The following ALG12 variants were observed in gnomAD, a reference collection of about 807,000 sequenced individuals.
The protein encoded by ALG12 is ALG12 alpha-1,6-mannosyltransferase, also known as dol-P-Man:Man(7)GlcNAc(2)-PP-Dol alpha-1,6-mannosyltransferase.
A neutral mutation model predicts 46.0 loss-of-function variants in ALG12; 36 were observed. The ratio of observed to expected loss-of-function variants is 0.78; its 90% CI spans 0.60 to 1.03. The LOEUF (loss-of-function observed/expected upper bound fraction) is 1.03. Among genes scored for constraint, ALG12 ranks in the 50% least tolerant of loss-of-function variants. ALG12 has a pLI of 0.00. For synonymous variants in ALG12, 326 were observed against 291.6 expected (o/e 1.12, Z -1.20); for missense variants, 599 against 633.5 (o/e 0.95, Z 0.58).
At chr22:49,869,836 T>C in the ALG12 span, among the ~76,000 whole-genome samples, 1 of 152,218 alleles carries the variant, frequency 6.6e-6, no homozygotes, top group Non-Finnish European at 1.5e-5. Context: ...GATTTTAGAT[T>C]CATCAGGCAC....
chr22:49,898,635 T>C (rs2060492871), downstream of ALG12, among the ~76,000 whole-genome samples: 1 of 152,098 alleles, frequency 6.6e-6, no homozygotes, highest in African/African-American at 2.4e-5. Context: ...GGTGATCCAC[T>C]GCCTCGGCCT....
At chr22:49,896,004 G>A (rs1336693294), downstream of ALG12, among the ~76,000 whole-genome samples, 3 of 152,184 alleles carry the variant, frequency 2.0e-5, no homozygotes, top group African/African-American at 7.2e-5. Flanking sequence ...GTGCCCCAGG[G>A]AAGGGCCCGT....
At chr22:49,915,987 C>T (rs1385067913) in intron 1 of ALG12, among the ~76,000 whole-genome samples, 1 of 152,174 alleles carries the variant, frequency 6.6e-6, no homozygotes, top group East Asian at 1.9e-4. Flanking sequence ...CAGCCGGGAG[C>T]GGTGGCTCAT....
downstream of ALG12, among the ~76,000 whole-genome samples, chr22:49,896,490 T>C (rs1257960907): frequency 6.6e-6 from 1 of 152,228 alleles, no homozygotes; most frequent in Non-Finnish European, 1.5e-5. Context: ...GCCCAGGTCC[T>C]GGTCCCCTGC....
intron 7 of ALG12, among the ~76,000 whole-genome samples, chr22:49,907,412 C>T (rs573198718): frequency 6.6e-6 from 1 of 152,214 alleles, no homozygotes; most frequent in Admixed American, 6.5e-5. Flanking sequence ...CCCATGCAGC[C>T]CTCAGGGAGG....
At chr22:49,873,520 G>C in the ALG12 span, among the ~76,000 whole-genome samples, 1 of 152,302 alleles carries the variant, frequency 6.6e-6, no homozygotes, top group South Asian at 2.1e-4. Flanking sequence ...CATGATAATG[G>C]AAAAGTGTGA....
At position 49,904,106 on chromosome 22, in the gene ALG12, C is replaced by T. The variant is rs189309735; in HGVS notation, c.1239-40G>A. On this transcript the variant is annotated intron_variant, in intron 9 of 9. Coordinates refer to ENST00000330817, the MANE Select transcript of ALG12 (RefSeq NM_024105.4). ...CTGGTGGTCCTGCCCAGGGCCCCCACATCGCCCTGTCCCCCGCCCCCAAGG... is the reference window on the plus strand; with the variant it reads ...CTGGTGGTCCTGCCCAGGGCCCCCATATCGCCCTGTCCCCCGCCCCCAAGG... 4,131 of 1,613,904 alleles carry T rather than the reference C, an allele frequency of 2.6e-3. 9 individuals are homozygous for T. The highest frequency in any genetic ancestry group is 3.2e-3 in the Non-Finnish European group (3,767 of 1,179,844).
chr22:49,909,695 G>T (rs1283228842), intron 5 of ALG12, among the ~76,000 whole-genome samples, 199 bp downstream of exon 5: 1 of 152,262 alleles, frequency 6.6e-6, no homozygotes, highest in African/African-American at 2.4e-5. Context: ...ACAGACCAGT[G>T]AACAGGGGCT....
the ALG12 span, among the ~76,000 whole-genome samples, chr22:49,877,167 G>A: frequency 6.6e-6 from 1 of 151,746 alleles, no homozygotes; most frequent in Non-Finnish European, 1.5e-5. Flanking sequence ...GTGTCTTTAT[G>A]TTTAAAGCGT....
intron 7 of ALG12, 38 bp from the exon 8 acceptor site, chr22:49,904,544 A>C (rs377146248): frequency 2.6e-5 from 42 of 1,610,554 alleles, no homozygotes; most frequent in African/African-American, 4.0e-5. Flanking sequence ...GGCAGAACGT[A>C]ATGACAATAA....
the ALG12 span, among the ~76,000 whole-genome samples, chr22:49,879,210 C>T: frequency 3.3e-5 from 5 of 150,978 alleles, no homozygotes; most frequent in Non-Finnish European, 4.4e-5. Context: ...CTGTAACTTG[C>T]GCCTCCCGGG....
intron 1 of ALG12, among the ~76,000 whole-genome samples, chr22:49,916,701 A>T (rs2060611375): frequency 6.6e-6 from 1 of 152,238 alleles, no homozygotes; most frequent in African/African-American, 2.4e-5. Context: ...AAATAATCCC[A>T]GCTACTCAGG....
the ALG12 span, among the ~76,000 whole-genome samples, chr22:49,892,187 C>CAAAAAAAAA: frequency 3.6e-5 from 2 of 55,326 alleles, no homozygotes; most frequent in East Asian, 7.2e-4. Flanking sequence ...GACTCTGTCT[C>CAAAAAAAAA]AAAAAAAAAA....
chr22:49,909,599 G>A (rs1012580509), intron 5 of ALG12, among the ~76,000 whole-genome samples: 3 of 152,112 alleles, frequency 2.0e-5, no homozygotes, highest in East Asian at 1.9e-4. Context: ...CAACTGTGTC[G>A]AGGACACCAC....
At chr22:49,904,770 C>T (rs546197992) in intron 7 of ALG12, among the ~76,000 whole-genome samples, 167 of 152,222 alleles carry the variant, frequency 1.1e-3, no homozygotes, top group Non-Finnish European at 2.1e-3. Context: ...GACAGAGTCT[C>T]GCTGTGTCAC....
intron 1 of ALG12, among the ~76,000 whole-genome samples, chr22:49,915,471 C>T (rs1002222262): frequency 2.0e-5 from 3 of 152,068 alleles, no homozygotes; most frequent in Non-Finnish European, 4.4e-5. Flanking sequence ...GCAGGAGAAT[C>T]GCTTGAGCCC....
the ALG12 span, chr22:49,889,722 C>A: frequency 2.4e-5 from 4 of 167,216 alleles, no homozygotes; most frequent in African/African-American, 4.8e-5. Flanking sequence ...TGCTGACAGT[C>A]CTGCAGGAAG....
Position 49,912,048 on chromosome 22 carries a change from G to GCCTCAGCCGCGGGATCAC in ALG12, c.295+1336_295+1337insGTGATCCCGCGGCTGAGG, listed in dbSNP as rs1256202615. 1.6e-3 allele frequency among the ~76,000 whole-genome samples: 238 copies of GCCTCAGCCGCGGGATCAC among 145,434 alleles called. 2 individuals are homozygous for GCCTCAGCCGCGGGATCAC. Among genetic ancestry groups the GCCTCAGCCGCGGGATCAC allele is most frequent in the African/African-American group, 2.7e-3 (105 of 38,448 alleles). Reference sequence around the variant, plus strand: ...GGGATCACCCTCGGCCCCGGGATCAGCCTCGGCCGCGGGATCAGCCTGGCC... The same window carrying GCCTCAGCCGCGGGATCAC: ...GGGATCACCCTCGGCCCCGGGATCAGCCTCAGCCGCGGGATCACCCTCGGCCGCGGGATCAGCCTGGCC... On this transcript the variant is annotated intron_variant, in intron 3 of 9. Coordinates refer to ENST00000330817, the MANE Select transcript of ALG12 (RefSeq NM_024105.4).
chr22:49,912,411 G>A (rs998136106), intron 3 of ALG12, among the ~76,000 whole-genome samples: 1 of 152,234 alleles, frequency 6.6e-6, no homozygotes, highest in African/African-American at 2.4e-5. Context: ...TGTGGACTCA[G>A]CCCCGGAATT....
Sources: allele counts gnomAD v4.1 joint callset (sites outside exome capture counted in the v4.1 genomes callset), GRCh38; gene constraint gnomAD v4.1.1; transcripts MANE v1.5; gene names NCBI Gene and HGNC (gene_info 2026-07-23, HGNC 2026-07-21).